FBXW5: variants seen among roughly 807,000 people sequenced by gnomAD.
FBXW5 encodes the protein F-box/WD repeat-containing protein 5.
Under a neutral mutation model 50.9 loss-of-function variants are expected in FBXW5, and 74 were observed. The ratio of observed to expected loss-of-function variants is 1.45; its 90% CI spans 1.20 to 1.76. FBXW5 has a LOEUF of 1.76. Ranked by LOEUF, FBXW5 falls within the 40% of genes most tolerant of loss-of-function variation. FBXW5 has a pLI of 0.00. For synonymous variants in FBXW5, 523 were observed against 362.2 expected, an observed-to-expected ratio of 1.44 and a Z score of -5.04; for missense variants, 1,073 against 818.8, an observed-to-expected ratio of 1.31 and a Z score of -3.79.
At chr9:136,943,656 T>C in intron 2 of FBXW5, 150 bp from the exon 3 acceptor site, 3 of 1,199,240 alleles carry the variant, frequency 2.5e-6, no homozygotes, top group Non-Finnish European at 2.3e-6. Flanking sequence ...GATTCAACCC[T>C]GTAGCTCACA....
At position 136,943,988 on chromosome 9, in the gene FBXW5, CACCAGCCCGGCGGCCAGCACGTCG is replaced by C; in HGVS notation, c.72_95del (p.Asp25_Val32del). 6.3e-7 allele frequency: 1 copy of C among 1,586,474 alleles called. No individual in the cohort carries two copies. ...GCGACACGGCCTGCCATTGGCGGCA[CACCAGCCCGGCGGCCAGCACGTCG>C]GCCGGGCCCAGGCTCAGGAAGATCT... is the stretch of plus-strand genomic sequence containing the variant. On this transcript the variant is annotated inframe_deletion, in exon 2 of 9. Coordinates refer to ENST00000325285, the MANE Select transcript of FBXW5 (RefSeq NM_018998.4).
rs1850798605 is a variant in FBXW5, at chr9:136,942,172, C to A, written c.970G>T (p.Glu324Ter). Residue 324 changes from glutamate to a stop codon, truncating the protein, a stop_gained, in exon 6 of 9, where the codon GAG becomes TAG. Coordinates refer to ENST00000325285, the MANE Select transcript of FBXW5 (RefSeq NM_018998.4). LOFTEE classifies it high-confidence loss of function. Reference protein sequence around the residue: ...AQPQLSERMLETKVAELLAQG... With the variant: ...AQPQLSERML ...GCCAGCAGCTCGGCCACCTTGGTCT[C>A]TAGCATGCGCTCCGACAGCTGTGGC... The A allele has an allele frequency of 6.3e-7, 1 of 1,598,246 alleles. No homozygotes were observed. Among genetic ancestry groups the A allele is most frequent in the Non-Finnish European group, 8.5e-7 (1 of 1,173,294 alleles).
At chr9:136,942,520 C>T in intron 5 of FBXW5, 27 bp downstream of exon 5, 2 of 1,601,070 alleles carry the variant, frequency 1.2e-6, no homozygotes, top group Non-Finnish European at 8.5e-7. Flanking sequence ...CCCAGGAGGG[C>T]AGCCCCGCCC....
In FBXW5 at chr9:136,942,575, G is replaced by A. The variant is rs776659501; in HGVS notation, c.647C>T (p.Ser216Leu). Reference sequence around the variant, plus strand: ...GAAGGCATTGTTGAGCCACAGCACCGAGCAGGAGGTGATATCTCCGATGCG... The same window carrying A: ...GAAGGCATTGTTGAGCCACAGCACCAAGCAGGAGGTGATATCTCCGATGCG... ...LHRIGDITSC[S>L]VLWLNNAFQD... Residue 216 changes from serine to leucine, a missense_variant, in exon 5 of 9, where the codon TCG (serine) becomes TTG (leucine). Ser to Leu is a moderately radical substitution (Grantham distance 145). Coordinates refer to ENST00000325285, the MANE Select transcript of FBXW5 (RefSeq NM_018998.4). 12 of 1,611,790 alleles carry A rather than the reference G, an allele frequency of 7.4e-6. No homozygotes were observed. The highest frequency in any genetic ancestry group is 3.3e-5 in the Admixed American group (2 of 59,864).
At position 136,942,193 on chromosome 9, in the gene FBXW5, G is replaced by A. The variant is rs1850800068; in HGVS notation, c.949C>T (p.Gln317Ter). The A allele has an allele frequency of 6.3e-7, 1 of 1,581,724 alleles. No individual in the cohort carries two copies. The highest frequency in any genetic ancestry group is 8.6e-7 in the Non-Finnish European group (1 of 1,165,660). The change falls in exon 6 of 9, where the codon CAG becomes TAG. Residue 317 changes from glutamine to a stop codon, truncating the protein, a stop_gained. Coordinates refer to ENST00000325285, the MANE Select transcript of FBXW5 (RefSeq NM_018998.4). LOFTEE classifies it high-confidence loss of function. ...GTCTCTAGCATGCGCTCCGACAGCT[G>A]TGGCTGCGCCCGCCCCTCCAGCACG... is the stretch of plus-strand genomic sequence containing the variant. ...DRVLEGRAQP[Q>*]LSERMLETKV...
chr9:136,941,198 G>GCCGC (rs768595180), intron 8 of FBXW5, 27 bp from the exon 9 acceptor site: 44 of 1,597,036 alleles, frequency 2.8e-5, no homozygotes, highest in Middle Eastern at 1.7e-4. Context: ...GGGTGAGCCG[G>GCCGC]CCGCCCGCCC....
chr9:136,941,924 G>A (rs551232498), intron 6 of FBXW5, 122 bp downstream of exon 6: 3 of 1,446,176 alleles, frequency 2.1e-6, no homozygotes, highest in African/African-American at 1.4e-5. Context: ...TGTGACCCCA[G>A]GGGCGAGTGA....
intron 3 of FBXW5, 162 bp from the exon 4 acceptor site, chr9:136,943,105 T>TAA: frequency 8.3e-7 from 1 of 1,206,020 alleles, no homozygotes; most frequent in South Asian, 1.3e-5. Context: ...GGCATTGGTA[T>TAA]AGAGCGGAGG....
chr9:136,943,750 G>A, intron 2 of FBXW5, 141 bp downstream of exon 2: 1 of 1,088,106 alleles, frequency 9.2e-7, no homozygotes, highest in South Asian at 1.6e-5. Flanking sequence ...GCTGTGTCCT[G>A]ACAGGCCTCT....
chr9:136,941,884 T>G, intron 6 of FBXW5, 162 bp downstream of exon 6: 1 of 1,435,734 alleles, frequency 7.0e-7, no homozygotes, highest in Non-Finnish European at 9.1e-7. Flanking sequence ...TTGTTTTCAC[T>G]GCTCATCCCA....
At chr9:136,941,838 C>G in intron 6 of FBXW5, 154 bp from the exon 7 acceptor site, 2 of 1,436,762 alleles carry the variant, frequency 1.4e-6, no homozygotes, top group Non-Finnish European at 9.1e-7. Flanking sequence ...GAATCAGGCC[C>G]GTCGGTTGCT....
rs551948814 is a variant in FBXW5, at chr9:136,943,827, C to A, written c.193+64G>T. On this transcript the variant is annotated intron_variant, in intron 2 of 8. Coordinates refer to ENST00000325285, the MANE Select transcript of FBXW5 (RefSeq NM_018998.4). ...GGGCGGGCCCCCAGCCAGGCTGACC[C>A]CCAAGCGCAGGGGCCCGGGGCCCTG... 6.9e-5 allele frequency: 104 copies of A among 1,511,130 alleles called. 1 individual carries two copies. The highest frequency in any genetic ancestry group is 5.5e-4 in the African/African-American group (40 of 72,300). The allele number at this position is 1,511,130 out of a possible 1,614,324, so 93.6% of individuals were successfully genotyped here.
intron 1 of FBXW5, chr9:136,944,341 A>C: frequency 1.7e-6 from 1 of 603,190 alleles, no homozygotes; most frequent in Non-Finnish European, 2.3e-6. Context: ...GGCGCCCCTC[A>C]GCCCGCCAGG....
chr9:136,942,699 T>C lies in FBXW5; in HGVS notation c.527-4A>G, dbSNP rs1177749940. ...CGGGACAGCAGCGCGAAGGAGTCTG[T>C]GGGGAGGCCGGGGCTGGACAGGCTG... On this transcript the variant is annotated splice_polypyrimidine_tract_variant and splice_region_variant and intron_variant, in intron 4 of 8. Coordinates refer to ENST00000325285, the MANE Select transcript of FBXW5 (RefSeq NM_018998.4). The C allele has an allele frequency of 6.2e-7, 1 of 1,609,952 alleles. No homozygotes were observed. The highest frequency in any genetic ancestry group is 2.2e-5 in the East Asian group (1 of 44,744).
At chr9:136,944,299 C>T in intron 1 of FBXW5, 193 bp from the exon 2 acceptor site, 2 of 655,964 alleles carry the variant, frequency 3.0e-6, no homozygotes, top group East Asian at 3.7e-5. Flanking sequence ...CTCTCCGCCG[C>T]GTCATCCCCC....
chr9:136,944,606 C>T lies in FBXW5; in HGVS notation c.-36G>A, dbSNP rs534438427. 6.1e-6 allele frequency: 6 copies of T among 984,332 alleles called. No homozygotes were observed. The highest frequency in any genetic ancestry group is 7.2e-6 in the Non-Finnish European group (6 of 829,184). 61.0% of individuals were successfully genotyped at this position (984,332 alleles called of 1,614,324 possible). On this transcript the variant is annotated 5_prime_UTR_variant, in exon 1 of 9. Coordinates refer to ENST00000325285, the MANE Select transcript of FBXW5 (RefSeq NM_018998.4). ...CAGGCGCACTCACCACGGCCGCCTC[C>T]GCCCGCTGCGCCGCCCCCGCCCTGC...
Position 136,941,620 on chromosome 9 carries a change from G to A in FBXW5, c.1161C>T (p.Gly387=). Residue 387 remains glycine (G), a synonymous_variant, in exon 7 of 9, where the codon GGC becomes GGT. Transcript: ENST00000325285. The stretch of plus-strand genomic sequence containing the variant: ...CCAGCGCGTCGAAGAAGGCATCGGA[G>A]CCCCGGCCCTCACCCAGCACGGGCC... The part of the protein sequence containing the change: ...TAGPVLGEGR[G]SDAFFDALDH... The A allele has an allele frequency of 1.9e-6, 3 of 1,585,572 alleles. No homozygotes were observed. The highest frequency in any genetic ancestry group is 2.6e-6 in the Non-Finnish European group (3 of 1,166,562).
chr9:136,941,322 C>A lies in FBXW5; in HGVS notation c.1386G>T (p.Ala462=), dbSNP rs755144335. 4 of 1,609,716 alleles carry A rather than the reference C, an allele frequency of 2.5e-6. No individual in the cohort carries two copies. The highest frequency in any genetic ancestry group is 3.4e-6 in the Non-Finnish European group (4 of 1,179,636). The part of the protein sequence containing the change: ...TMREVRRALR[A]HRAYTPNDEC... ...CGTCGTTGGGCGTGTAGGCGCGGTG[C>A]GCACGCAGAGCCCGCCTCACCTCCC... Residue 462 remains alanine, a synonymous_variant, in exon 8 of 9, where the codon GCG becomes GCT. Transcript: ENST00000325285.
chr9:136,940,747 C>T lies in FBXW5; in HGVS notation c.*181G>A, dbSNP rs1260775917. 3.8e-6 allele frequency: 4 copies of T among 1,054,102 alleles called. No homozygotes were observed. Among genetic ancestry groups the T allele is most frequent in the Non-Finnish European group, 5.3e-6 (4 of 750,584 alleles). The allele number at this position is 1,054,102 out of a possible 1,614,324, so 65.3% of individuals were successfully genotyped here. ...CTTGGGCTCCATCTGCACTGGCCAC[C>T]CCGTGCCAAGCATCACAGCTGCGTG... On this transcript the variant is annotated 3_prime_UTR_variant, in exon 9 of 9. Coordinates refer to ENST00000325285, the MANE Select transcript of FBXW5 (RefSeq NM_018998.4).
Sources: allele counts gnomAD v4.1 joint callset, GRCh38; gene constraint gnomAD v4.1.1; transcripts MANE v1.5; gene names NCBI Gene and HGNC (gene_info 2026-07-23, HGNC 2026-07-21).